Variants in FBRSL1 observed in about 807,000 individuals in gnomAD.
FBRSL1 encodes fibrosin like 1, also known as fibrosin-1-like protein.
In FBRSL1, 51 loss-of-function variants were observed where a neutral mutation model predicts 89.6. The ratio of observed to expected loss-of-function variants is 0.57; its 90% CI spans 0.45 to 0.72. FBRSL1 has a LOEUF of 0.72. Among genes scored for constraint, FBRSL1 ranks in the 30% least tolerant of loss-of-function variants. FBRSL1 has a pLI of 0.00. For synonymous variants in FBRSL1, 779 were observed against 681.1 expected (o/e 1.14, Z -2.24); for missense variants, 1,618 against 1,451.8 (o/e 1.11, Z -1.86).
At chr12:132,552,020 G>T (rs569072331) in intron 5 of FBRSL1, 1 of 258,452 alleles carries the variant, frequency 3.9e-6, no homozygotes, top group Non-Finnish European at 7.8e-6. Context: ...GGCCTGGAAG[G>T]GGCAGGGCTG....
chr12:132,533,768 G>A (rs1040742067), intron 4 of FBRSL1, among the ~76,000 whole-genome samples: 3 of 152,258 alleles, frequency 2.0e-5, no homozygotes, highest in Admixed American at 6.5e-5. Context: ...CAGGCACTGG[G>A]TTGTGAGGAG....
In FBRSL1 at chr12:132,547,688, T is replaced by G. The variant is rs1232842703; in HGVS notation, c.616-315T>G. 2.6e-5 allele frequency among the ~76,000 whole-genome samples: 4 copies of G among 152,218 alleles called. 1 individual carries two copies. Among genetic ancestry groups the G allele is most frequent in the Non-Finnish European group, 5.9e-5 (4 of 68,010 alleles). On this transcript the variant is annotated intron_variant, in intron 4 of 18. Coordinates refer to ENST00000680143, the MANE Select transcript of FBRSL1 (RefSeq NM_001367871.1). The stretch of plus-strand genomic sequence containing the variant: ...GGGGGTCTTCATGGCCGCCCTGCTC[T>G]GAGGGTCTGGCCAGTGAGGGCTCCT...
chr12:132,564,177 G>A (rs1016813210), intron 5 of FBRSL1, among the ~76,000 whole-genome samples: 34 of 152,314 alleles, frequency 2.2e-4, no homozygotes, highest in Non-Finnish European at 3.2e-4. Flanking sequence ...TGCTGGACAC[G>A]GGTGTCCCTC....
intron 4 of FBRSL1, among the ~76,000 whole-genome samples, chr12:132,536,416 ATGG>A (rs956095927): frequency 6.7e-6 from 1 of 149,508 alleles, no homozygotes; most frequent in African/African-American, 2.5e-5. Context: ...TCTGTACATG[ATGG>A]TGTGTGTGCC....
Position 132,579,024 on chromosome 12 carries a change from C to T in FBRSL1, c.1834+2093C>T, listed in dbSNP as rs1030613565. On this transcript the variant is annotated intron_variant, in intron 15 of 18. Coordinates refer to ENST00000680143, the MANE Select transcript of FBRSL1 (RefSeq NM_001367871.1). ...CCAGTTCTGGGCCCTCCACACTGCC[C>T]GCCCCACCGACCCTGCTCCTCCCCC... Among the ~76,000 whole-genome samples, 5 of 152,212 alleles carry T rather than the reference C, an allele frequency of 3.3e-5. No individual in the cohort carries two copies. In the South Asian group the frequency reaches 6.2e-4, roughly 19 times the overall value.
At chr12:132,580,882 C>A in intron 15 of FBRSL1, 1 of 984,818 alleles carries the variant, frequency 1.0e-6, no homozygotes, top group Non-Finnish European at 1.2e-6. Flanking sequence ...GGCCCGGGCC[C>A]AGGCCCCACA....
chr12:132,581,953 C>T, intron 17 of FBRSL1, 109 bp from the exon 18 acceptor site: 1 of 1,287,958 alleles, frequency 7.8e-7, no homozygotes, highest in Non-Finnish European at 1.1e-6. Flanking sequence ...TGGGGCACCC[C>T]CTTCTCAGTG....
rs933470569 is a variant in FBRSL1, at chr12:132,510,019, T to C, written c.489+1669T>C. ...CGCCCCAGGCAGCCCCAGCGGTTAG[T>C]GGAAGCCCCAGAGCAGCCCGGCCCA... On this transcript the variant is annotated intron_variant, in intron 2 of 18. Transcript: ENST00000680143. 5.0e-5 allele frequency: 61 copies of C among 1,231,396 alleles called. No individual in the cohort carries two copies. The African/African-American group carries it at 7.2e-4, about 14-fold the overall frequency. The allele number at this position is 1,231,396 out of a possible 1,614,324, so 76.3% of individuals were successfully genotyped here. A position where few individuals can be genotyped will look rare whatever the true frequency, so the allele number is the denominator to read the frequency against.
Position 132,551,487 on chromosome 12 carries a change from T to C in FBRSL1, c.645+3455T>C, listed in dbSNP as rs540210462. On this transcript the variant is annotated intron_variant, in intron 5 of 18. Transcript: ENST00000680143. Reference sequence around the variant, plus strand: ...CCCCGAGGAAGCCTTCTGGACGGAGTGGTGGGGAGGGCGCGGGCGCATGTC... The same window carrying C: ...CCCCGAGGAAGCCTTCTGGACGGAGCGGTGGGGAGGGCGCGGGCGCATGTC... 119 of 456,068 alleles carry C rather than the reference T, an allele frequency of 2.6e-4. No individual in the cohort carries two copies. The Admixed American group carries it at 2.7e-3, about 11-fold the overall frequency. The allele number at this position is 456,068 out of a possible 1,614,324, so 28.3% of individuals were successfully genotyped here. A position where few individuals can be genotyped will look rare whatever the true frequency, so the allele number is the denominator to read the frequency against.
intron 5 of FBRSL1, among the ~76,000 whole-genome samples, chr12:132,550,038 G>A (rs889896329): frequency 1.1e-4 from 16 of 152,028 alleles, no homozygotes; most frequent in African/African-American, 2.7e-4. Flanking sequence ...GGAGGGTCCC[G>A]GCAGGGCGAG....
Position 132,574,091 on chromosome 12 carries a change from C to G in FBRSL1, c.1532C>G (p.Thr511Ser). The change falls in exon 12 of 19, where the codon ACT (threonine) becomes AGT (serine). Residue 511 changes from threonine to serine, a missense_variant and splice_region_variant. By Grantham distance (58) the Thr-to-Ser change is moderately conservative. Coordinates refer to ENST00000680143, the MANE Select transcript of FBRSL1 (RefSeq NM_001367871.1). Reference sequence around the variant, plus strand: ...CAAGCTGTCTCTTTCTCCCCTCAGACTTCAAGCCCCATTGAGGTGGCCCGC... The same window carrying G: ...CAAGCTGTCTCTTTCTCCCCTCAGAGTTCAAGCCCCATTGAGGTGGCCCGC... Reference protein sequence around the residue: ...GSLQGAFQPKTSSPIEVARRA... With the variant: ...GSLQGAFQPKSSSPIEVARRA... 7.5e-7 allele frequency: 1 copy of G among 1,329,052 alleles called. No homozygotes were observed. The highest frequency in any genetic ancestry group is 9.6e-7 in the Non-Finnish European group (1 of 1,043,120). The allele number at this position is 1,329,052 out of a possible 1,614,324, so 82.3% of individuals were successfully genotyped here. A position where few individuals can be genotyped will look rare whatever the true frequency, so the allele number is the denominator to read the frequency against.
intron 4 of FBRSL1, among the ~76,000 whole-genome samples, chr12:132,529,500 G>A (rs971238017): frequency 4.6e-5 from 7 of 152,162 alleles, no homozygotes; most frequent in African/African-American, 1.7e-4. Flanking sequence ...CCTTTCACCT[G>A]AGGTTCTGTC....
At chr12:132,578,088 C>T (rs565144711) in intron 15 of FBRSL1, among the ~76,000 whole-genome samples, 3 of 152,360 alleles carry the variant, frequency 2.0e-5, no homozygotes, top group South Asian at 2.1e-4. Flanking sequence ...GGAATCCTTA[C>T]GATAGCATAA....
At chr12:132,533,763 A>G (rs2036494124) in intron 4 of FBRSL1, among the ~76,000 whole-genome samples, 1 of 152,226 alleles carries the variant, frequency 6.6e-6, no homozygotes, top group African/African-American at 2.4e-5. Context: ...CATGCCAGGC[A>G]CTGGGTTGTG....
chr12:132,571,443 C>A, intron 9 of FBRSL1: 1 of 1,550,796 alleles, frequency 6.4e-7, no homozygotes, highest in Non-Finnish European at 8.7e-7. Flanking sequence ...AGCACACGCA[C>A]CAACACACAC....
intron 4 of FBRSL1, among the ~76,000 whole-genome samples, chr12:132,536,604 CGG>C (rs2036769828): frequency 6.9e-6 from 1 of 144,210 alleles, no homozygotes; most frequent in African/African-American, 2.6e-5. Flanking sequence ...GTGTACATGA[CGG>C]TGTGTGTGTG....
At chr12:132,534,251 G>A (rs1398253664) in intron 4 of FBRSL1, among the ~76,000 whole-genome samples, 2 of 152,234 alleles carry the variant, frequency 1.3e-5, no homozygotes, top group Admixed American at 6.5e-5. Context: ...CATGGGCTGC[G>A]GGAGGGTGGG....
intron 2 of FBRSL1, chr12:132,509,185 G>A (rs2034041121): frequency 3.2e-6 from 4 of 1,245,766 alleles, no homozygotes; most frequent in Non-Finnish European, 4.0e-6. Context: ...CCAGAAGGGG[G>A]GCCGCTCCCA....
At chr12:132,568,136 C>T (rs116943593) in intron 6 of FBRSL1, among the ~76,000 whole-genome samples, 2 of 152,180 alleles carry the variant, frequency 1.3e-5, no homozygotes, top group Admixed American at 6.5e-5. Flanking sequence ...GAGGGGATAG[C>T]CCCAGCGTCT....
Sources: gnomAD v4.1 joint callset for allele counts (sites outside exome capture counted in the v4.1 genomes callset) on GRCh38, gnomAD v4.1.1 for gene constraint, MANE v1.5 for transcripts, NCBI Gene and HGNC (gene_info 2026-07-23, HGNC 2026-07-21) for gene names.